Variants in EYS observed in about 807,000 individuals in gnomAD.
The protein encoded by EYS is EGF-like photoreceptor maintenance factor.
EYS carries 250 observed loss-of-function variants against 282.1 expected under a neutral mutation model. The observed-to-expected ratio is 0.89, with a 90% CI of 0.80 to 0.98. EYS has a LOEUF of 0.98. EYS is among the 50% of genes least tolerant of loss of function. The pLI, the probability that EYS is intolerant of heterozygous loss-of-function variation, is 0.00. For missense variants in EYS, 4,016 were observed against 3,709.0 expected (o/e 1.08, Z -2.15); for synonymous variants, 1,355 against 1,282.9 (o/e 1.06, Z -1.20).
rs563537549 is a variant in EYS, at chr6:65,145,241, A to T, written c.2024-87514T>A. 3.3e-5 allele frequency among the ~76,000 whole-genome samples: 5 copies of T among 152,176 alleles called. No individual in the cohort carries two copies. In the South Asian group the frequency reaches 8.3e-4, roughly 25 times the overall value. On this transcript the variant is annotated intron_variant, in intron 12 of 42. Coordinates refer to ENST00000503581, the MANE Select transcript of EYS (RefSeq NM_001142800.2). ...ATTTATTTGATATTAATATTTAAAA[A>T]ACACAAAATCGAAGAATATTATGAA...
chr6:64,623,609 C>T (rs536268989), intron 23 of EYS, among the ~76,000 whole-genome samples: 51 of 151,824 alleles, frequency 3.4e-4, no homozygotes, highest in South Asian at 2.9e-3. Flanking sequence ...TTCATATACA[C>T]GAGACAGAGG....
At chr6:64,593,694 G>A (rs79569374) in intron 24 of EYS, among the ~76,000 whole-genome samples, 15,366 of 152,194 alleles carry the variant, frequency 0.1, 929 homozygotes, top group East Asian at 0.17. Context: ...AATTTAGTTG[G>A]AAGCTAATGT....
intron 29 of EYS, among the ~76,000 whole-genome samples, chr6:64,340,759 A>G (rs1771070763): frequency 6.6e-6 from 1 of 151,872 alleles, no homozygotes; most frequent in South Asian, 2.1e-4. Flanking sequence ...TGACAAACAA[A>G]ATGATAAACA....
intron 33 of EYS, among the ~76,000 whole-genome samples, chr6:64,000,095 CTTATT>C (rs1768010053): frequency 7.4e-6 from 1 of 134,652 alleles, no homozygotes; most frequent in Non-Finnish European, 1.6e-5. Flanking sequence ...AACGATCAGA[CTTATT>C]TTTTATTTTT....
chr6:63,940,695 T>A (rs988916612), intron 35 of EYS, among the ~76,000 whole-genome samples: 46 of 152,116 alleles, frequency 3.0e-4, no homozygotes, highest in South Asian at 4.2e-4. Context: ...TTTTTTTTTT[T>A]AATCATACTT....
rs1768727213 is a variant in EYS, at chr6:63,729,519, ATTC to A, written c.8072-2842_8072-2840del. Among the ~76,000 whole-genome samples the A allele has an allele frequency of 7.4e-5, 11 of 149,488 alleles. No individual in the cohort carries two copies. The South Asian group carries it at 2.3e-3, about 32-fold the overall frequency. On this transcript the variant is annotated intron_variant, in intron 41 of 42. Coordinates refer to ENST00000503581, the MANE Select transcript of EYS (RefSeq NM_001142800.2). Reference sequence around the variant, plus strand: ...TGAAAGATGTCATGTCTGTGTCTAGATTCTTTTTTTTTTTTCTTTTTGCATGTG... The same window carrying A: ...TGAAAGATGTCATGTCTGTGTCTAGATTTTTTTTTTTTCTTTTTGCATGTG...
chr6:64,194,276 A>G (rs1332964879), intron 31 of EYS, among the ~76,000 whole-genome samples: 2 of 137,360 alleles, frequency 1.5e-5, no homozygotes, highest in African/African-American at 5.3e-5. Context: ...CTATTCTGAT[A>G]TTAATTATTA....
At chr6:64,601,366 AC>A (rs547884546) in intron 24 of EYS, among the ~76,000 whole-genome samples, 3 of 152,034 alleles carry the variant, frequency 2.0e-5, no homozygotes, top group Non-Finnish European at 4.4e-5. Context: ...ACAGTACTGA[AC>A]TGCTGATTCA....
intron 13 of EYS, among the ~76,000 whole-genome samples, chr6:65,026,362 T>C (rs1303615890): frequency 6.6e-6 from 1 of 152,178 alleles, no homozygotes; most frequent in East Asian, 1.9e-4. Flanking sequence ...TGTTGAATTC[T>C]AAACTTTCTT....
intron 2 of EYS, among the ~76,000 whole-genome samples, chr6:65,580,887 TGA>T (rs1764842970): frequency 6.6e-6 from 1 of 152,090 alleles, no homozygotes; most frequent in Non-Finnish European, 1.5e-5. Flanking sequence ...AAGGTAAGCC[TGA>T]AATATAGATA....
At chr6:64,296,569 TATATATATATATATACATATATATATATA>T (rs1561913643) in intron 30 of EYS, among the ~76,000 whole-genome samples, 20 of 6,826 alleles carry the variant, frequency 2.9e-3, no homozygotes, top group African/African-American at 0.014. Context: ...TATATATATA[TATATATATATATATACATATATATATATA>T]TTTTTTTTTT....
intron 42 of EYS, among the ~76,000 whole-genome samples, chr6:63,723,965 G>T (rs1017955083): frequency 6.6e-6 from 1 of 151,830 alleles, no homozygotes; most frequent in Non-Finnish European, 1.5e-5. Context: ...TGGCCATCAC[G>T]GCCGGCTAAT....
intron 1 of EYS, among the ~76,000 whole-genome samples, chr6:65,662,276 G>C (rs1247248387): frequency 6.6e-6 from 1 of 152,090 alleles, no homozygotes; most frequent in Non-Finnish European, 1.5e-5. Flanking sequence ...CTCAAATTTA[G>C]TGAAGAGAGA....
At chr6:65,267,475 A>G (rs1224748360) in intron 12 of EYS, among the ~76,000 whole-genome samples, 1 of 152,022 alleles carries the variant, frequency 6.6e-6, no homozygotes, top group Non-Finnish European at 1.5e-5. Flanking sequence ...AGTGTTACAC[A>G]GAAGTCCAAC....
rs191857079 is a variant in EYS, at chr6:65,658,685, G to T, written c.-447-18793C>A. Among the ~76,000 whole-genome samples the T allele has an allele frequency of 3.0e-3, 454 of 151,664 alleles. 3 individuals are homozygous for T. Among genetic ancestry groups the T allele is most frequent in the African/African-American group, 0.01 (435 of 41,498 alleles). On this transcript the variant is annotated intron_variant, in intron 1 of 42. Coordinates refer to ENST00000503581, the MANE Select transcript of EYS (RefSeq NM_001142800.2). ...CATTGCCCAGAAGTAAATGAGGAAA[G>T]TTAAATTTTAAATTATGATACACAT...
chr6:65,390,874 A>G (rs1766003059), intron 7 of EYS, among the ~76,000 whole-genome samples: 1 of 150,152 alleles, frequency 6.7e-6, no homozygotes, highest in African/African-American at 2.4e-5. Flanking sequence ...AAAACATGAG[A>G]CCCCGTCTCT....
At chr6:65,620,058 G>A (rs553235918) in intron 2 of EYS, among the ~76,000 whole-genome samples, 13 of 152,260 alleles carry the variant, frequency 8.5e-5, no homozygotes, top group African/African-American at 3.1e-4. Context: ...TCAGGATGAT[G>A]CTGGCCTCAT....
At position 65,590,885 on chromosome 6, in the gene EYS, T is replaced by C. The variant is rs111599652; in HGVS notation, c.-333+48893A>G. The stretch of plus-strand genomic sequence containing the variant: ...TTTTTTTTATCCATTCTTCAGTTGA[T>C]GGACACTTAGATTCCATAACTTGGC... On this transcript the variant is annotated intron_variant, in intron 2 of 42. Coordinates refer to ENST00000503581, the MANE Select transcript of EYS (RefSeq NM_001142800.2). 3.0e-4 allele frequency among the ~76,000 whole-genome samples: 46 copies of C among 152,128 alleles called. 1 individual carries two copies. The highest frequency in any genetic ancestry group is 3.4e-3 in the Middle Eastern group (1 of 292).
At chr6:64,228,690 C>A (rs1766325899) in intron 31 of EYS, among the ~76,000 whole-genome samples, 1 of 152,092 alleles carries the variant, frequency 6.6e-6, no homozygotes, top group Non-Finnish European at 1.5e-5. Flanking sequence ...ATAATTTCTA[C>A]AGCAAAAATA....
Sources: gnomAD v4.1 joint callset for allele counts (sites outside exome capture counted in the v4.1 genomes callset) on GRCh38, gnomAD v4.1.1 for gene constraint, MANE v1.5 for transcripts, NCBI Gene and HGNC (gene_info 2026-07-23, HGNC 2026-07-21) for gene names.